PTPRD: variants seen among roughly 807,000 people sequenced by gnomAD.
PTPRD encodes the protein receptor-type tyrosine-protein phosphatase delta.
In PTPRD, 34 loss-of-function variants were observed where a neutral mutation model predicts 214.5. The ratio of observed to expected loss-of-function variants is 0.16; its 90% CI spans 0.12 to 0.21. PTPRD has a LOEUF of 0.21. PTPRD is among the 10% of genes least tolerant of loss of function. The probability of loss-of-function intolerance (pLI) is 1.00; values close to 1 mark genes in which losing one functional copy is unlikely to be tolerated. For synonymous variants in PTPRD, 1,128 were observed against 845.7 expected, an observed-to-expected ratio of 1.33 and a Z score of -5.79; for missense variants, 2,545 against 2,398.7, an observed-to-expected ratio of 1.06 and a Z score of -1.27.
chr9:9,260,783 C>G (rs972647236), intron 9 of PTPRD, among the ~76,000 whole-genome samples: 1 of 151,842 alleles, frequency 6.6e-6, no homozygotes, highest in Non-Finnish European at 1.5e-5. Flanking sequence ...TACTCACTGA[C>G]AATCACTTTT....
intron 4 of PTPRD, among the ~76,000 whole-genome samples, chr9:9,965,780 C>T (rs951197865): frequency 6.6e-6 from 1 of 152,138 alleles, no homozygotes; most frequent in Non-Finnish European, 1.5e-5. Context: ...AGTAACAGTA[C>T]TTATGCTACA....
chr9:8,928,989 G>A lies in PTPRD; in HGVS notation c.-104+89708C>T, dbSNP rs146706709. ...GAGTTCACTCATGATTTGACTCTCT[G>A]TCTATTATTGGTGTATAGGAATGCC... On this transcript the variant is annotated intron_variant, in intron 11 of 45. Transcript: ENST00000381196. Among the ~76,000 whole-genome samples, 380 of 152,206 alleles carry A rather than the reference G, an allele frequency of 2.5e-3. 1 individual carries two copies. Among genetic ancestry groups the A allele is most frequent in the South Asian group, 0.015 (71 of 4,818 alleles).
At chr9:8,878,373 C>T (rs568663911) in intron 11 of PTPRD, among the ~76,000 whole-genome samples, 8 of 151,844 alleles carry the variant, frequency 5.3e-5, no homozygotes, top group Non-Finnish European at 1.2e-4. Context: ...AGAGACAGAA[C>T]CAGTAAGTGG....
intron 5 of PTPRD, among the ~76,000 whole-genome samples, chr9:9,847,122 G>A (rs906979020): frequency 5.9e-5 from 9 of 152,010 alleles, no homozygotes; most frequent in Admixed American, 2.0e-4. Flanking sequence ...TAAGTAGAAC[G>A]AATAACTAAA....
intron 3 of PTPRD, among the ~76,000 whole-genome samples, chr9:10,142,579 C>A (rs1198675146): frequency 1.3e-5 from 2 of 151,588 alleles, no homozygotes; most frequent in South Asian, 2.1e-4. Context: ...AATGAGATAC[C>A]ATTTCACACC....
intron 2 of PTPRD, among the ~76,000 whole-genome samples, chr9:10,469,775 A>G (rs1200920046): frequency 6.6e-6 from 1 of 152,120 alleles, no homozygotes; most frequent in Non-Finnish European, 1.5e-5. Context: ...CCATGAATGA[A>G]TGGATAAAGA....
chr9:9,253,577 T>G (rs1435060098), intron 9 of PTPRD, among the ~76,000 whole-genome samples: 1 of 152,088 alleles, frequency 6.6e-6, no homozygotes, highest in Non-Finnish European at 1.5e-5. Flanking sequence ...TTGCTTCAGT[T>G]TGAGTGATTT....
chr9:9,390,885 C>T (rs887054449), intron 9 of PTPRD, among the ~76,000 whole-genome samples: 3 of 152,178 alleles, frequency 2.0e-5, no homozygotes, highest in East Asian at 3.9e-4. Context: ...GGGTAGTGAC[C>T]TGGCAAATAG....
At chr9:10,052,261 T>C (rs2154155137) in intron 3 of PTPRD, among the ~76,000 whole-genome samples, 1 of 152,250 alleles carries the variant, frequency 6.6e-6, no homozygotes, top group South Asian at 2.1e-4. Context: ...TACTGCCTAC[T>C]AACAGAATAA....
At chr9:10,507,147 C>A (rs1187761711) in intron 2 of PTPRD, among the ~76,000 whole-genome samples, 1 of 152,070 alleles carries the variant, frequency 6.6e-6, no homozygotes, top group Admixed American at 6.6e-5. Context: ...TTCTTATACA[C>A]CAATAACAGA....
At chr9:9,517,483 T>C (rs1590446449) in intron 8 of PTPRD, among the ~76,000 whole-genome samples, 1 of 152,050 alleles carries the variant, frequency 6.6e-6, no homozygotes, top group East Asian at 1.9e-4. Flanking sequence ...AACACAACTG[T>C]TCACTTTCAC....
chr9:10,009,833 G>T (rs902265020), intron 4 of PTPRD, among the ~76,000 whole-genome samples: 1 of 151,870 alleles, frequency 6.6e-6, no homozygotes, highest in Non-Finnish European at 1.5e-5. Context: ...CGCTATACTA[G>T]AGTCTGCTTG....
intron 9 of PTPRD, among the ~76,000 whole-genome samples, chr9:9,381,047 C>G (rs553600384): frequency 2.0e-5 from 3 of 152,120 alleles, no homozygotes; most frequent in East Asian, 3.9e-4. Flanking sequence ...TTTTTCTTCA[C>G]TCATTTATTT....
chr9:9,163,415 G>A (rs1299006355), intron 10 of PTPRD, among the ~76,000 whole-genome samples: 1 of 150,972 alleles, frequency 6.6e-6, no homozygotes, highest in African/African-American at 2.4e-5. Context: ...ATCTACCCAG[G>A]ACACCTCTCA....
intron 12 of PTPRD, among the ~76,000 whole-genome samples, chr9:8,676,647 C>A (rs972305302): frequency 1.3e-5 from 2 of 152,116 alleles, no homozygotes; most frequent in African/African-American, 4.8e-5. Flanking sequence ...GATCTCGGCT[C>A]ACCGCCACCA....
chr9:10,051,620 T>G lies in PTPRD; in HGVS notation c.-544-17830A>C, dbSNP rs555552633. Among the ~76,000 whole-genome samples the G allele has an allele frequency of 4.2e-3, 629 of 150,700 alleles. 5 individuals carry two copies. Among genetic ancestry groups the G allele is most frequent in the African/African-American group, 0.014 (569 of 41,074 alleles). The stretch of plus-strand genomic sequence containing the variant: ...CCCCACTCCCCCCACCCCACAACAG[T>G]CCCCGGTGTGTGATGTTCCCCTTCC... On this transcript the variant is annotated intron_variant, in intron 3 of 45. Coordinates refer to ENST00000381196, the MANE Select transcript of PTPRD (RefSeq NM_002839.4).
intron 3 of PTPRD, among the ~76,000 whole-genome samples, chr9:10,131,776 T>G (rs1013085141): frequency 6.6e-6 from 1 of 152,156 alleles, no homozygotes; most frequent in Non-Finnish European, 1.5e-5. Context: ...CTTCACAATT[T>G]TCTAAAGCTA....
At chr9:9,962,649 G>C (rs2094441448) in intron 4 of PTPRD, among the ~76,000 whole-genome samples, 1 of 151,970 alleles carries the variant, frequency 6.6e-6, no homozygotes, top group Non-Finnish European at 1.5e-5. Context: ...TAAATACTAT[G>C]TCCATCCATC....
intron 9 of PTPRD, among the ~76,000 whole-genome samples, chr9:9,235,631 T>A (rs1262018497): frequency 1.3e-5 from 2 of 152,144 alleles, no homozygotes; most frequent in Non-Finnish European, 2.9e-5. Flanking sequence ...CTGAGACACC[T>A]GACTCACTTT....
Sources: gnomAD v4.1 joint callset for allele counts (sites outside exome capture counted in the v4.1 genomes callset) on GRCh38, gnomAD v4.1.1 for gene constraint, MANE v1.5 for transcripts, NCBI Gene and HGNC (gene_info 2026-07-23, HGNC 2026-07-21) for gene names.